LILRB5: variants seen among roughly 807,000 people sequenced by gnomAD.
The protein encoded by LILRB5 is leukocyte immunoglobulin-like receptor subfamily B member 5.
Under a neutral mutation model 68.4 loss-of-function variants are expected in LILRB5, and 61 were observed. The observed-to-expected ratio is 0.89, with a 90% CI of 0.73 to 1.10. The LOEUF (loss-of-function observed/expected upper bound fraction) is 1.10, where lower values mean the gene tolerates loss of function less well. Among genes scored for constraint, LILRB5 ranks in the 50% least tolerant of loss-of-function variants. The probability of loss-of-function intolerance (pLI) is 0.00; values close to 1 mark genes in which losing one functional copy is unlikely to be tolerated. For synonymous variants in LILRB5, 356 were observed against 315.8 expected, an observed-to-expected ratio of 1.13 and a Z score of -1.35; for missense variants, 771 against 751.6, an observed-to-expected ratio of 1.03 and a Z score of -0.30.
At chr19:54,255,814 A>C in intron 4 of LILRB5, 1 of 657,688 alleles carries the variant, frequency 1.5e-6, no homozygotes, top group Non-Finnish European at 2.6e-6. Context: ...GAGGGACAGG[A>C]AATTGCAGCA....
intron 3 of LILRB5, 73 bp downstream of exon 3, chr19:54,256,416 G>GT: frequency 6.3e-7 from 1 of 1,594,428 alleles, no homozygotes; most frequent in Non-Finnish European, 8.6e-7. Context: ...GCTGTGAGAG[G>GT]TAGACGTCCC....
rs762916193 is a variant in LILRB5 at position 54,256,755 on chromosome 19, G to T, written c.89C>A (p.Thr30Asn). 1 of 1,614,022 alleles carries T rather than the reference G, an allele frequency of 6.2e-7. No individual in the cohort carries two copies. The highest frequency in any genetic ancestry group is 1.7e-5 in the Admixed American group (1 of 60,024). The change falls in exon 3 of 13, where the codon ACC becomes AAC. Residue 30 changes from threonine to asparagine, a missense_variant. By Grantham distance (65) the Thr-to-Asn change is moderately conservative (BLOSUM62 0). Transcript: ENST00000449561. ...CVQAGTLPKP[T>N]LWAEPASVIA... ...CACAGAGGCTGGCTCAGCCCAGAGG[G>T]TGGGTTTGGGGAGGGTGCCTAGAAT... is the stretch of plus-strand genomic sequence containing the variant.
intron 8 of LILRB5, 101 bp from the exon 9 acceptor site, chr19:54,253,088 C>A: frequency 1.7e-6 from 1 of 586,734 alleles, no homozygotes; most frequent in Non-Finnish European, 2.7e-6. Flanking sequence ...CTCCAACCCT[C>A]ACAGCAGTTG....
In LILRB5 at chr19:54,256,723, G is replaced by A. The variant is rs760247858; in HGVS notation, c.121C>T (p.Arg41Trp). The change falls in exon 3 of 13, where the codon CGG becomes TGG. Residue 41 changes from arginine to tryptophan, a missense_variant. Coordinates refer to ENST00000449561, the MANE Select transcript of LILRB5 (RefSeq NM_001081442.3). ...LWAEPASVIA[R>W]GKPVTLWCQG... ...CACCAGAGGGTCACGGGCTTCCCCC[G>A]AGCTATCACAGAGGCTGGCTCAGCC... is the stretch of plus-strand genomic sequence containing the variant. 11 of 1,614,092 alleles carry A rather than the reference G, an allele frequency of 6.8e-6. No individual in the cohort carries two copies. In the South Asian group the frequency reaches 7.7e-5, roughly 11 times the overall value.
rs145477663 is a variant in LILRB5 at position 54,255,478 on chromosome 19, C to T, written c.760G>A (p.Val254Ile). 6.2e-6 allele frequency: 10 copies of T among 1,614,090 alleles called. No homozygotes were observed. The highest frequency in any genetic ancestry group is 2.2e-5 in the East Asian group (1 of 44,872). ...CRSDVGYDIF[V>I]LYKEGEHDLV... is the part of the protein sequence containing the mutation. ...TCATGTTCCCCCTCCTTGTACAGAA[C>T]GAATATGTCATAGCCGACATCAGAG... The change falls in exon 5 of 13, where the codon GTT becomes ATT. Residue 254 changes from valine (V) to isoleucine (I), a missense_variant. Physicochemically the swap from Val to Ile is conservative, Grantham distance 29. Coordinates refer to ENST00000449561, the MANE Select transcript of LILRB5 (RefSeq NM_001081442.3).
rs1486178115 is a variant in LILRB5, at chr19:54,252,903, CGGA to C, written c.1439_1441del (p.Leu480del). 2.5e-6 allele frequency: 4 copies of C among 1,597,754 alleles called. No homozygotes were observed. The highest frequency in any genetic ancestry group is 2.3e-5 in the East Asian group (1 of 43,292). ...CCTGTGTTTGCTCTGATGCCGATGT[CGGA>C]GGAGGAGGAAGAGGAGGAGGAACAG... On this transcript the variant is annotated inframe_deletion, in exon 9 of 13. Coordinates refer to ENST00000449561, the MANE Select transcript of LILRB5 (RefSeq NM_001081442.3).
Position 54,256,997 on chromosome 19 carries a change from C to G in LILRB5, c.35-1G>C, listed in dbSNP as rs765741891. The G allele has an allele frequency of 1.2e-6, 2 of 1,614,232 alleles. No homozygotes were observed. The highest frequency in any genetic ancestry group is 1.1e-5 in the South Asian group (1 of 91,088). ...CAGGTCCTGGGGCCCACACTCAGCC[C>G]TGGAAGAGAGTTCCCTGTGAGGGAT... On this transcript the variant is annotated splice_acceptor_variant, in intron 1 of 12. Coordinates refer to ENST00000449561, the MANE Select transcript of LILRB5 (RefSeq NM_001081442.3). LOFTEE classifies it high-confidence loss of function.
chr19:54,254,688 CTGAGCTGAGCCTT>C, intron 6 of LILRB5, 34 bp downstream of exon 6: 2 of 1,608,436 alleles, frequency 1.2e-6, no homozygotes, highest in Non-Finnish European at 1.7e-6. Flanking sequence ...GGGGCAGGGC[CTGAGCTGAGCCTT>C]TGAGCTTGGA....
At chr19:54,253,700 G>C (rs917353688) in intron 8 of LILRB5, 6 of 891,142 alleles carry the variant, frequency 6.7e-6, no homozygotes, top group Non-Finnish European at 7.0e-6. Context: ...GTGAACCCAG[G>C]AGTCTGACCC....
rs754685460 is a variant in LILRB5, at chr19:54,257,145, C to T, written c.34+15G>A. On this transcript the variant is annotated intron_variant, in intron 1 of 12. Transcript: ENST00000449561. ...TCCAAGACGGGGACCTTCCTTCCCCCTCTTCAAACCTCACCGAGGCAAATC... is the reference window on the plus strand; with the variant it reads ...TCCAAGACGGGGACCTTCCTTCCCCTTCTTCAAACCTCACCGAGGCAAATC... 8.1e-6 allele frequency: 13 copies of T among 1,614,082 alleles called. No homozygotes were observed. The highest frequency in any genetic ancestry group is 3.3e-5 in the Admixed American group (2 of 60,008).
intron 8 of LILRB5, chr19:54,253,664 A>G: frequency 7.5e-6 from 5 of 663,314 alleles, no homozygotes; most frequent in Non-Finnish European, 1.3e-5. Flanking sequence ...GCCTGGGCCC[A>G]CGGTGGGATG....
intron 3 of LILRB5, 53 bp downstream of exon 3, chr19:54,256,436 A>G: frequency 6.2e-7 from 1 of 1,602,694 alleles, no homozygotes; most frequent in South Asian, 1.1e-5. Context: ...CTAAGAGCCG[A>G]CCCTCTTCCT....
chr19:54,253,843 C>T, intron 8 of LILRB5, 175 bp downstream of exon 8: 1 of 1,495,600 alleles, frequency 6.7e-7, no homozygotes, highest in Non-Finnish European at 8.9e-7. Context: ...CAGGACAGTC[C>T]CCTGAAGAAT....
At chr19:54,251,011 C>T (rs1268387661) in intron 12 of LILRB5, 79 bp from the exon 13 acceptor site, 5 of 1,605,372 alleles carry the variant, frequency 3.1e-6, no homozygotes, top group Non-Finnish European at 4.3e-6. Context: ...AAAGGACTCT[C>T]TCAGTGTCCA....
intron 8 of LILRB5, 59 bp downstream of exon 8, chr19:54,253,959 G>T: frequency 6.4e-7 from 1 of 1,556,468 alleles, no homozygotes; most frequent in Non-Finnish European, 8.7e-7. Context: ...ACCTACGACA[G>T]AACCCACCCC....
At position 54,256,116 on chromosome 19, in the gene LILRB5, T is replaced by C; in HGVS notation, c.582A>G (p.Arg194=). ...PVTPSCRWRF[R]CYYYYRKNPQ... is the part of the protein sequence containing the mutation. ...GGTTTTTCCTGTAATAGTAATAGCATCTGAACCTCCACCTGCAGCTGGGGG... is the reference window on the plus strand; with the variant it reads ...GGTTTTTCCTGTAATAGTAATAGCACCTGAACCTCCACCTGCAGCTGGGGG... Residue 194 remains arginine (R), a synonymous_variant, in exon 4 of 13, where the codon AGA becomes AGG. Coordinates refer to ENST00000449561, the MANE Select transcript of LILRB5 (RefSeq NM_001081442.3). 6.2e-7 allele frequency: 1 copy of C among 1,607,414 alleles called. No homozygotes were observed. The highest frequency in any genetic ancestry group is 8.5e-7 in the Non-Finnish European group (1 of 1,177,236).
Position 54,252,524 on chromosome 19 carries a change from AG to A in LILRB5, c.1499del (p.Ala500ValfsTer30), listed in dbSNP as rs1474522009. On this transcript the variant is annotated frameshift_variant, in exon 10 of 13. Transcript: ENST00000449561. LOFTEE classifies it high-confidence loss of function. ...CCTGGTCCTTGGGCTCTGGCCCCGC[AG>A]CCCCTGCAGGACGGTAGAAATGGGC... ...TSAHFYRPAG[A>X]AGPEPKDQGL... 4.9e-5 allele frequency: 79 copies of A among 1,613,968 alleles called. No homozygotes were observed. Among genetic ancestry groups the A allele is most frequent in the Non-Finnish European group, 6.3e-5 (74 of 1,180,024 alleles).
At chr19:54,255,890 C>A in intron 4 of LILRB5, 153 bp downstream of exon 4, 1 of 693,230 alleles carries the variant, frequency 1.4e-6, no homozygotes, top group Non-Finnish European at 2.4e-6. Context: ...CCTGTTTCCC[C>A]ATCTGAGCCT....
Position 54,256,309 on chromosome 19 carries a change from G to T in LILRB5, c.389C>A (p.Pro130Gln), listed in dbSNP as rs551105119. ...FYAEPTLLAL[P>Q]SPVVASGGNV... ...TCCTCCTGAGGCCACCACAGGACTC[G>T]GCAGGGCTAAAAGAGTGGGTTCTGC... Residue 130 changes from proline (P) to glutamine (Q), a missense_variant, in exon 4 of 13, where the codon CCG becomes CAG. By Grantham distance (76) the Pro-to-Gln change is moderately conservative (BLOSUM62 -1). Transcript: ENST00000449561. 3 of 1,612,270 alleles carry T rather than the reference G, an allele frequency of 1.9e-6. No individual in the cohort carries two copies. In the African/African-American group the frequency reaches 4.0e-5, roughly 22 times the overall value.
Sources: gnomAD v4.1 joint callset for allele counts on GRCh38, gnomAD v4.1.1 for gene constraint, MANE v1.5 for transcripts, NCBI Gene and HGNC (gene_info 2026-07-23, HGNC 2026-07-21) for gene names.